IYD: variants seen among roughly 807,000 people sequenced by gnomAD.
The protein encoded by IYD is iodotyrosine deiodinase, also known as iodotyrosine deiodinase 1.
IYD carries 25 observed loss-of-function variants against 28.4 expected under a neutral mutation model. The observed-to-expected ratio is 0.88, with a 90% CI of 0.64 to 1.23. The LOEUF (loss-of-function observed/expected upper bound fraction) is 1.23. IYD is among the 50% of genes most tolerant of loss of function. The pLI is 0.00. For missense variants in IYD, 352 were observed against 357.9 expected, an observed-to-expected ratio of 0.98 and a Z score of 0.13; for synonymous variants, 140 against 130.8, an observed-to-expected ratio of 1.07 and a Z score of -0.48.
intron 1 of IYD, among the ~76,000 whole-genome samples, chr6:150,384,116 A>C (rs1777770396): frequency 6.6e-6 from 1 of 152,158 alleles, no homozygotes; most frequent in African/African-American, 2.4e-5. Flanking sequence ...AAACATCTTA[A>C]ATTTGTTATT....
At chr6:150,396,322 T>C (rs947345989) in intron 4 of IYD, 1 of 446,824 alleles carries the variant, frequency 2.2e-6, no homozygotes, top group African/African-American at 2.0e-5. Context: ...CCTTTGGGGG[T>C]CTGAGGATTC....
At chr6:150,393,423 T>C (rs904137368) in intron 3 of IYD, among the ~76,000 whole-genome samples, 1 of 152,234 alleles carries the variant, frequency 6.6e-6, no homozygotes, top group African/African-American at 2.4e-5. Context: ...AGAGGAGCCA[T>C]GGAGAAATAC....
At chr6:150,390,925 T>C (rs991056532) in intron 2 of IYD, among the ~76,000 whole-genome samples, 1 of 152,116 alleles carries the variant, frequency 6.6e-6, no homozygotes, top group African/African-American at 2.4e-5. Context: ...GCCGTGCGTA[T>C]TGAGTACCCA....
intron 4 of IYD, chr6:150,395,354 A>C (rs1445998853): frequency 2.7e-6 from 4 of 1,461,118 alleles, no homozygotes; most frequent in Non-Finnish European, 3.7e-6. Flanking sequence ...TGTATGTTGA[A>C]TAACACCTCC....
intron 1 of IYD, among the ~76,000 whole-genome samples, chr6:150,383,130 G>A (rs1777713023): frequency 6.6e-6 from 1 of 152,194 alleles, no homozygotes; most frequent in South Asian, 2.1e-4. Context: ...CTAATACTCT[G>A]GGATGACTTT....
chr6:150,372,222 A>G (rs1777269049), intron 1 of IYD, among the ~76,000 whole-genome samples: 1 of 151,920 alleles, frequency 6.6e-6, no homozygotes, highest in Non-Finnish European at 1.5e-5. Context: ...TTCCTACTGC[A>G]TGTTCACAGG....
At chr6:150,377,270 T>C (rs972249676) in intron 1 of IYD, among the ~76,000 whole-genome samples, 8 of 152,210 alleles carry the variant, frequency 5.3e-5, no homozygotes, top group Non-Finnish European at 1.2e-4. Flanking sequence ...GTGGCTCCAC[T>C]GCTCTAGAGT....
chr6:150,388,572 T>G (rs1268222492), intron 1 of IYD, among the ~76,000 whole-genome samples: 1 of 152,154 alleles, frequency 6.6e-6, no homozygotes, highest in African/African-American at 2.4e-5. Context: ...GAAATGTGAA[T>G]TCCTCATCTT....
At chr6:150,380,395 A>G (rs987522486) in intron 1 of IYD, among the ~76,000 whole-genome samples, 1 of 152,216 alleles carries the variant, frequency 6.6e-6, no homozygotes, top group African/African-American at 2.4e-5. Context: ...GTCTAAAAAA[A>G]GAAAGTTGTT....
In IYD at chr6:150,373,633, A is replaced by G. The variant is rs147162448; in HGVS notation, c.178+4424A>G. On this transcript the variant is annotated intron_variant, in intron 1 of 4. Coordinates refer to ENST00000344419, the MANE Select transcript of IYD (RefSeq NM_203395.3). ...ATCATTAGTGGCTTGAAGTCACGCC[A>G]TGGTGTGATTATTTACATCAGTGGA... is the stretch of plus-strand genomic sequence containing the variant. Among the ~76,000 whole-genome samples, 1,340 of 152,290 alleles carry G rather than the reference A, an allele frequency of 8.8e-3. 35 individuals are homozygous for G. The highest frequency in any genetic ancestry group is 0.031 in the African/African-American group (1,302 of 41,558).
At chr6:150,392,294 C>A in intron 2 of IYD, 51 bp from the exon 3 acceptor site, 1 of 1,610,294 alleles carries the variant, frequency 6.2e-7, no homozygotes, top group South Asian at 1.1e-5. Flanking sequence ...AATTAGCAGT[C>A]TCACACTTTC....
chr6:150,399,316 G>C lies in IYD; in HGVS notation c.*1079G>C, dbSNP rs1189768759. The C allele has an allele frequency of 1.3e-5, 2 of 152,218 alleles. No individual in the cohort carries two copies. The highest frequency in any genetic ancestry group is 2.9e-5 in the Non-Finnish European group (2 of 68,054). 9.4% of individuals were successfully genotyped at this position (152,218 alleles called of 1,614,324 possible). A position where few individuals can be genotyped will look rare whatever the true frequency, so the allele number is the denominator to read the frequency against. On this transcript the variant is annotated 3_prime_UTR_variant, in exon 5 of 5. Coordinates refer to ENST00000344419, the MANE Select transcript of IYD (RefSeq NM_203395.3). ...ACTTGCTTTCTTCTTCTTAAAGAGAGCTGCTTACCATACATAGCACCCACA... is the reference window on the plus strand; with the variant it reads ...ACTTGCTTTCTTCTTCTTAAAGAGACCTGCTTACCATACATAGCACCCACA...
intron 2 of IYD, among the ~76,000 whole-genome samples, chr6:150,391,794 T>C (rs368358172): frequency 5.9e-5 from 9 of 152,282 alleles, no homozygotes; most frequent in East Asian, 5.8e-4. Context: ...CTGCAATCTC[T>C]GCCTCCAGGG....
Position 150,405,179 on chromosome 6 carries a change from C to T in IYD, c.*6942C>T, listed in dbSNP as rs1453946072. The T allele has an allele frequency of 1.3e-5, 2 of 152,180 alleles. No individual in the cohort carries two copies. The highest frequency in any genetic ancestry group is 2.4e-5 in the African/African-American group (1 of 41,436). The allele number at this position is 152,180 out of a possible 1,614,324, so 9.4% of individuals were successfully genotyped here. ...AATGTGGCAAGTATTCTCAAGTGAG[C>T]TCATCAGTCCCAGGGCTGTTAGCAC... is the stretch of plus-strand genomic sequence containing the variant. On this transcript the variant is annotated 3_prime_UTR_variant, in exon 5 of 5. Coordinates refer to ENST00000344419, the MANE Select transcript of IYD (RefSeq NM_203395.3).
intron 1 of IYD, among the ~76,000 whole-genome samples, chr6:150,376,719 G>A (rs1777457160): frequency 6.6e-6 from 1 of 152,006 alleles, no homozygotes. Context: ...TCAAACTCCT[G>A]GACTCAAGCT....
At chr6:150,395,757 C>T in intron 4 of IYD, 1 of 681,798 alleles carries the variant, frequency 1.5e-6, no homozygotes, top group East Asian at 2.7e-5. Flanking sequence ...AGGCAGCTTC[C>T]AGAACTTCCT....
chr6:150,398,456 C>A lies in IYD; in HGVS notation c.*219C>A. On this transcript the variant is annotated 3_prime_UTR_variant, in exon 5 of 5. Transcript: ENST00000344419. ...CTTATCCACTTTGGAAATGCATGAA[C>A]ACTTTACAAAGAACATGCCCGGGTT... 1 of 569,080 alleles carries A rather than the reference C, an allele frequency of 1.8e-6. No homozygotes were observed. The highest frequency in any genetic ancestry group is 3.1e-6 in the Non-Finnish European group (1 of 319,554). 35.3% of individuals were successfully genotyped at this position (569,080 alleles called of 1,614,324 possible).
intron 1 of IYD, among the ~76,000 whole-genome samples, chr6:150,372,319 GGGT>G (rs1777277965): frequency 2.1e-5 from 3 of 141,682 alleles, no homozygotes; most frequent in Admixed American, 6.9e-5. Context: ...ATGTGTGTGT[GGGT>G]GGGGTGGGGG....
Position 150,404,543 on chromosome 6 carries a change from T to C in IYD, c.*6306T>C, listed in dbSNP as rs1350680912. On this transcript the variant is annotated 3_prime_UTR_variant, in exon 5 of 5. Coordinates refer to ENST00000344419, the MANE Select transcript of IYD (RefSeq NM_203395.3). Reference sequence around the variant, plus strand: ...ATCTTGTCATATCAATGATTTGAAGTGCTAAAATAGAAAATTAAATATGAT... The same window carrying C: ...ATCTTGTCATATCAATGATTTGAAGCGCTAAAATAGAAAATTAAATATGAT... The C allele has an allele frequency of 6.6e-6, 1 of 152,204 alleles. No homozygotes were observed. Among genetic ancestry groups the C allele is most frequent in the African/African-American group, 2.4e-5 (1 of 41,454 alleles). The allele number at this position is 152,204 out of a possible 1,614,324, so 9.4% of individuals were successfully genotyped here.
Sources: allele counts gnomAD v4.1 joint callset (sites outside exome capture counted in the v4.1 genomes callset), GRCh38; gene constraint gnomAD v4.1.1; transcripts MANE v1.5; gene names NCBI Gene and HGNC (gene_info 2026-07-23, HGNC 2026-07-21).